COL6A3: variants seen among roughly 807,000 people sequenced by gnomAD.
COL6A3 encodes collagen type VI alpha 3 chain.
COL6A3 carries 137 observed loss-of-function variants against 274.1 expected under a neutral mutation model. That is an observed-to-expected ratio of 0.50 (90% CI 0.44 to 0.58). The LOEUF is 0.58. Among genes scored for constraint, COL6A3 ranks in the 20% least tolerant of loss-of-function variants. COL6A3 has a pLI of 0.00. For missense variants in COL6A3, 3,950 were observed against 4,124.9 expected (o/e 0.96, Z 1.16); for synonymous variants, 1,650 against 1,650.6 (o/e 1.00, Z 0.01).
chr2:237,337,227 C>A (rs988648597), intron 39 of COL6A3, among the ~76,000 whole-genome samples: 1 of 152,084 alleles, frequency 6.6e-6, no homozygotes, highest in Non-Finnish European at 1.5e-5. Flanking sequence ...AATATATTTT[C>A]AAGTTAATAT....
chr2:237,387,552 C>T, intron 4 of COL6A3, 30 bp downstream of exon 4: 3 of 1,613,668 alleles, frequency 1.9e-6, no homozygotes, highest in Non-Finnish European at 2.5e-6. Flanking sequence ...CACCCCACTC[C>T]CACACAGATG....
At position 237,364,357 on chromosome 2, in the gene COL6A3, GC is replaced by G; in HGVS notation, c.5909del (p.Arg1970ProfsTer8). On this transcript the variant is annotated frameshift_variant, in exon 13 of 44. Transcript: ENST00000295550. LOFTEE classifies it high-confidence loss of function. This position sits in a 1 kb window ranked among gnomAD's most constrained non-coding sequence, Gnocchi z 4.6. ...ADLHRASENL[R>X]QEGVRALILV... ...GAAAGCCTTGGCACCTACCTTCTTGGCGGAGGTTCTCAGATGCTCTGTGTAA... is the reference window on the plus strand; with the variant it reads ...GAAAGCCTTGGCACCTACCTTCTTGGGGAGGTTCTCAGATGCTCTGTGTAA... 1 of 1,613,498 alleles carries G rather than the reference GC, an allele frequency of 6.2e-7. No individual in the cohort carries two copies. The highest frequency in any genetic ancestry group is 1.1e-5 in the South Asian group (1 of 91,070).
rs141268775 is a variant in COL6A3, at chr2:237,339,980, AG to A, written c.8464+471del. Among the ~76,000 whole-genome samples, 1,180 of 152,208 alleles carry A rather than the reference AG, an allele frequency of 7.8e-3. 22 individuals carry two copies. Among genetic ancestry groups the A allele is most frequent in the African/African-American group, 0.027 (1,132 of 41,544 alleles). ...AAGTGCGGTGGAGAGCATTCCAGGG[AG>A]GGGGAGCCCCATGAGCAAAGACCCA... On this transcript the variant is annotated intron_variant, in intron 38 of 43. Coordinates refer to ENST00000295550, the MANE Select transcript of COL6A3 (RefSeq NM_004369.4).
At chr2:237,395,721 T>C (rs2078422481) in intron 2 of COL6A3, among the ~76,000 whole-genome samples, 1 of 152,204 alleles carries the variant, frequency 6.6e-6, no homozygotes, top group South Asian at 2.1e-4. Context: ...AATAAATACA[T>C]GTTCTTTAAG....
chr2:237,330,499 A>T (rs1015200), intron 42 of COL6A3, among the ~76,000 whole-genome samples: 3,012 of 151,596 alleles, frequency 0.02, 191 homozygotes, highest in East Asian at 0.16. Context: ...GGTTTTATTT[A>T]AAAAAATACA....
rs141344389 is a variant in COL6A3, at chr2:237,340,704, T to A, written c.8212A>T (p.Ile2738Phe). 15 of 1,614,192 alleles carry A rather than the reference T, an allele frequency of 9.3e-6. No homozygotes were observed. The highest frequency in any genetic ancestry group is 1.6e-4 in the Middle Eastern group (1 of 6,062). Residue 2738 changes from isoleucine (I) to phenylalanine (F), a missense_variant, in exon 38 of 44, where the codon ATT becomes TTT. Coordinates refer to ENST00000295550, the MANE Select transcript of COL6A3 (RefSeq NM_004369.4). ...ESAPNPRDLK[I>F]VVLMLTGEVP... ...TCGCCCGTCAGCATCAGGACCACAA[T>A]TTTCAGGTCCCGTGGGTTTGGGGCA...
intron 39 of COL6A3, among the ~76,000 whole-genome samples, chr2:237,337,669 C>CTG (rs1700617503): frequency 6.6e-6 from 1 of 152,248 alleles, no homozygotes; most frequent in Non-Finnish European, 1.5e-5. Flanking sequence ...GCATGACACA[C>CTG]TGTGACATTC....
At chr2:237,389,835 G>A (rs2078243331) in intron 3 of COL6A3, among the ~76,000 whole-genome samples, 1 of 152,204 alleles carries the variant, frequency 6.6e-6, no homozygotes. Flanking sequence ...CAGTAATTAA[G>A]ATCTTGTGTT....
chr2:237,403,241 AGGAAGAC>A (rs551883640), intron 1 of COL6A3, among the ~76,000 whole-genome samples: 7 of 152,284 alleles, frequency 4.6e-5, no homozygotes, highest in Admixed American at 4.6e-4. Context: ...CCCAGCTATG[AGGAAGAC>A]GGAACACAGT....
rs1281093215 is a variant in COL6A3, at chr2:237,371,905, C to T, written c.4112G>A (p.Arg1371Lys). 1.2e-6 allele frequency: 2 copies of T among 1,614,014 alleles called. No homozygotes were observed. The highest frequency in any genetic ancestry group is 1.7e-6 in the Non-Finnish European group (2 of 1,180,018). The change falls in exon 9 of 44, where the codon AGG (arginine) becomes AAG (lysine). Residue 1371 changes from arginine (R) to lysine (K), a missense_variant. Physicochemically the swap from Arg to Lys is conservative, Grantham distance 26 (BLOSUM62 2). Transcript: ENST00000295550. The surrounding 1 kb of genome is among the most constrained non-coding windows in gnomAD (Gnocchi z 4.3). ...CACCAGCTCCTCCTGGTCTGCGTTC[C>T]TGGCGATCGTGAAAGGGGCCACGCC... ...QFGVAPFTIARNADQEELVKI... is the reference protein window; with the variant it reads ...QFGVAPFTIAKNADQEELVKI...
At position 237,346,585 on chromosome 2, in the gene COL6A3, CAT is replaced by C. The variant is rs1262207188; in HGVS notation, c.7030-22_7030-21del. 6.2e-7 allele frequency: 1 copy of C among 1,606,788 alleles called. No homozygotes were observed. Among genetic ancestry groups the C allele is most frequent in the South Asian group, 1.1e-5 (1 of 90,906 alleles). The stretch of plus-strand genomic sequence containing the variant: ...ATTTCCCTAGAGGGAGCAGAACAAA[CAT>C]TGTTCAACTGTGTCAGAAAGTGGAG... On this transcript the variant is annotated intron_variant, in intron 31 of 43. Coordinates refer to ENST00000295550, the MANE Select transcript of COL6A3 (RefSeq NM_004369.4).
Position 237,361,896 on chromosome 2 carries a change from G to T in COL6A3, c.6064-65C>A. 1 of 1,418,804 alleles carries T rather than the reference G, an allele frequency of 7.0e-7. No individual in the cohort carries two copies. The highest frequency in any genetic ancestry group is 1.0e-6 in the Non-Finnish European group (1 of 1,001,832). The allele number at this position is 1,418,804 out of a possible 1,614,324, so 87.9% of individuals were successfully genotyped here. On this transcript the variant is annotated intron_variant, in intron 14 of 43. Transcript: ENST00000295550. This position sits in a 1 kb window ranked among gnomAD's most constrained non-coding sequence, Gnocchi z 5.1. ...AAATGCCCAGCAGAAAATCATAAAT[G>T]CGCTTTAAGGGTCAAAATCGGATGT...
chr2:237,363,748 C>A (rs947459659), intron 13 of COL6A3, among the ~76,000 whole-genome samples: 1 of 152,144 alleles, frequency 6.6e-6, no homozygotes. Flanking sequence ...ATAATAGCAG[C>A]CTCATCTCCA....
At chr2:237,334,561 C>T (rs1336047822) in intron 41 of COL6A3, 65 bp downstream of exon 41, 2 of 1,545,750 alleles carry the variant, frequency 1.3e-6, no homozygotes, top group African/African-American at 2.7e-5. Flanking sequence ...TAAGTGTCTC[C>T]TTTGTGTCCT....
intron 1 of COL6A3, among the ~76,000 whole-genome samples, chr2:237,401,840 C>T (rs2078597964): frequency 6.6e-6 from 1 of 151,902 alleles, no homozygotes; most frequent in Non-Finnish European, 1.5e-5. Flanking sequence ...ACACACCACC[C>T]CACCCAGCTA....
intron 37 of COL6A3, among the ~76,000 whole-genome samples, chr2:237,341,850 T>C (rs1222317279): frequency 2.0e-5 from 3 of 152,202 alleles, no homozygotes; most frequent in African/African-American, 7.2e-5. Flanking sequence ...ACCTATAAAA[T>C]GAATTATCCG....
chr2:237,328,028 G>A (rs1700039574), intron 42 of COL6A3: 1 of 152,172 alleles, frequency 6.6e-6, no homozygotes, highest in Admixed American at 6.5e-5. Flanking sequence ...TATGTGAGAG[G>A]AGCGCATGGC....
chr2:237,392,380 C>G (rs2078312259), intron 3 of COL6A3, among the ~76,000 whole-genome samples: 1 of 152,228 alleles, frequency 6.6e-6, no homozygotes. Context: ...CTCCAGCATT[C>G]TGATTGCAAT....
At chr2:237,348,576 AGCAAGGAC>A in intron 29 of COL6A3, 29 bp downstream of exon 29, 1 of 1,600,786 alleles carries the variant, frequency 6.2e-7, no homozygotes, top group Middle Eastern at 1.7e-4. Context: ...GCCTCCTGGC[AGCAAGGAC>A]GCTTGGATAA....
Sources: allele counts gnomAD v4.1 joint callset (sites outside exome capture counted in the v4.1 genomes callset), GRCh38; gene constraint gnomAD v4.1.1; non-coding constraint Gnocchi (gnomAD v3.1); transcripts MANE v1.5; gene names NCBI Gene and HGNC (gene_info 2026-07-23, HGNC 2026-07-21).